The following EDIL3 variants were observed in gnomAD, a reference collection of about 807,000 sequenced individuals.
EDIL3 encodes EGF-like repeat and discoidin I-like domain-containing protein 3.
Under a neutral mutation model 67.4 loss-of-function variants are expected in EDIL3, and 37 were observed. The ratio of observed to expected loss-of-function variants is 0.55; its 90% confidence interval spans 0.42 to 0.72. The LOEUF is 0.72. Among genes scored for constraint, EDIL3 ranks in the 30% least tolerant of loss-of-function variants. The pLI, the probability that EDIL3 is intolerant of heterozygous loss-of-function variation, is 0.00. For synonymous variants in EDIL3, 195 were observed against 196.3 expected, an observed-to-expected ratio of 0.99 and a Z score of 0.05; for missense variants, 527 against 586.3, an observed-to-expected ratio of 0.90 and a Z score of 1.04.
At chr5:84,187,027 CTT>C (rs1462773620) in intron 3 of EDIL3, among the ~76,000 whole-genome samples, 1 of 152,100 alleles carries the variant, frequency 6.6e-6, no homozygotes, top group East Asian at 1.9e-4. Context: ...TAATATCACT[CTT>C]AACAATGAAA....
chr5:84,231,649 C>A (rs1744581525), intron 2 of EDIL3, among the ~76,000 whole-genome samples: 1 of 152,182 alleles, frequency 6.6e-6, no homozygotes, highest in Non-Finnish European at 1.5e-5. Context: ...TTTGGCTCGC[C>A]TCCTTGGCAC....
chr5:84,221,835 T>C (rs188607031), intron 3 of EDIL3, among the ~76,000 whole-genome samples: 1 of 152,022 alleles, frequency 6.6e-6, no homozygotes. Context: ...AGGGAAAATA[T>C]GTATTTATGT....
At chr5:84,030,076 CAT>C (rs77069735) in intron 9 of EDIL3, among the ~76,000 whole-genome samples, 23,886 of 152,026 alleles carry the variant, frequency 0.16, 2,264 homozygotes, top group East Asian at 0.28. Context: ...TGACTCCAAA[CAT>C]CAGGACTTAC....
At chr5:84,139,909 T>C (rs1293667236) in intron 4 of EDIL3, among the ~76,000 whole-genome samples, 1 of 152,138 alleles carries the variant, frequency 6.6e-6, no homozygotes. Flanking sequence ...TGATCGTGTG[T>C]TTAGGTACAG....
chr5:84,135,917 T>A (rs1748083979), intron 5 of EDIL3, among the ~76,000 whole-genome samples: 1 of 152,068 alleles, frequency 6.6e-6, no homozygotes, highest in African/African-American at 2.4e-5. Context: ...CATCCCATTT[T>A]ATATCATTAT....
intron 3 of EDIL3, among the ~76,000 whole-genome samples, chr5:84,185,579 A>C (rs564033236): frequency 6.6e-6 from 1 of 152,266 alleles, no homozygotes; most frequent in South Asian, 2.1e-4. Flanking sequence ...AGTTCTAAAA[A>C]TTATATTTGC....
chr5:84,152,823 T>C (rs1311458963), intron 4 of EDIL3, among the ~76,000 whole-genome samples: 1 of 152,208 alleles, frequency 6.6e-6, no homozygotes, highest in Non-Finnish European at 1.5e-5. Flanking sequence ...GGTACTGCAA[T>C]ATTTTAAATA....
chr5:84,273,775 C>T (rs1745520444), intron 1 of EDIL3, among the ~76,000 whole-genome samples: 1 of 152,156 alleles, frequency 6.6e-6, no homozygotes, highest in African/African-American at 2.4e-5. Context: ...GGTTTGTCTA[C>T]TTCTCATGGT....
intron 9 of EDIL3, among the ~76,000 whole-genome samples, chr5:83,970,256 T>TTATATA (rs60143474): frequency 0.049 from 6,321 of 128,250 alleles, 214 homozygotes; most frequent in South Asian, 0.13. Context: ...GTGTCACTAA[T>TTATATA]TATATATATA....
chr5:83,972,011 T>G (rs995338028), intron 9 of EDIL3, among the ~76,000 whole-genome samples: 1 of 152,168 alleles, frequency 6.6e-6, no homozygotes, highest in African/African-American at 2.4e-5. Flanking sequence ...ATATAATTTA[T>G]GTATTATCAC....
intron 3 of EDIL3, among the ~76,000 whole-genome samples, chr5:84,187,528 T>C (rs1393220442): frequency 6.6e-6 from 1 of 152,116 alleles, no homozygotes; most frequent in Non-Finnish European, 1.5e-5. Context: ...ATGTACACTT[T>C]ATGTAGTAAG....
chr5:83,954,549 T>C (rs1744479248), intron 10 of EDIL3, among the ~76,000 whole-genome samples: 1 of 151,700 alleles, frequency 6.6e-6, no homozygotes, highest in African/African-American at 2.4e-5. Context: ...ACTTCCATCA[T>C]GAGTAAAAAA....
intron 3 of EDIL3, among the ~76,000 whole-genome samples, chr5:84,225,728 A>G (rs2112404824): frequency 6.6e-6 from 1 of 151,698 alleles, no homozygotes; most frequent in East Asian, 1.9e-4. Flanking sequence ...ATAACTATTG[A>G]ATTATAATCG....
intron 6 of EDIL3, among the ~76,000 whole-genome samples, chr5:84,100,537 A>G (rs1747343932): frequency 6.6e-6 from 1 of 152,084 alleles, no homozygotes; most frequent in Non-Finnish European, 1.5e-5. Flanking sequence ...GACCACATGG[A>G]AACAGACAGG....
chr5:84,340,534 CTATATATATATA>C (rs776456328), intron 1 of EDIL3, among the ~76,000 whole-genome samples: 3,844 of 54,196 alleles, frequency 0.071, 185 homozygotes, highest in Admixed American at 0.12. Flanking sequence ...CTCTCTCTCT[CTATATATATATA>C]TATATATATA....
chr5:84,095,834 C>T (rs1048605164), intron 6 of EDIL3, among the ~76,000 whole-genome samples: 8 of 152,208 alleles, frequency 5.3e-5, no homozygotes, highest in Admixed American at 4.6e-4. Flanking sequence ...ATTGTCTCCA[C>T]AGCATGTTAG....
At chr5:84,025,162 A>G (rs987553099) in intron 9 of EDIL3, among the ~76,000 whole-genome samples, 3 of 152,034 alleles carry the variant, frequency 2.0e-5, no homozygotes, top group Non-Finnish European at 2.9e-5. Context: ...AAGCAACTCA[A>G]TCTCTCTAAA....
intron 9 of EDIL3, among the ~76,000 whole-genome samples, chr5:83,994,634 T>C (rs1428381852): frequency 6.6e-6 from 1 of 152,200 alleles, no homozygotes; most frequent in Non-Finnish European, 1.5e-5. Flanking sequence ...GCTGGCATTT[T>C]ATCAGAGAGA....
intron 3 of EDIL3, among the ~76,000 whole-genome samples, chr5:84,184,300 G>C (rs1331858465): frequency 6.6e-6 from 1 of 152,138 alleles, no homozygotes; most frequent in Non-Finnish European, 1.5e-5. Context: ...GACCTAAATG[G>C]ATCTGCGAAA....
Sources: allele counts gnomAD v4.1 joint callset (sites outside exome capture counted in the v4.1 genomes callset), GRCh38; gene constraint gnomAD v4.1.1; transcripts MANE v1.5; gene names NCBI Gene and HGNC (gene_info 2026-07-23, HGNC 2026-07-21).